The following DENND1A variants were observed in gnomAD, a reference collection of about 807,000 sequenced individuals.
DENND1A encodes DENN domain containing 1A.
DENND1A carries 51 observed loss-of-function variants against 113.7 expected under a neutral mutation model. That is an observed-to-expected ratio of 0.45 (90% CI 0.36 to 0.57). DENND1A has a LOEUF of 0.57. DENND1A is among the 20% of genes least tolerant of loss of function. The probability of loss-of-function intolerance (pLI) is 0.00; values close to 1 mark genes in which losing one functional copy is unlikely to be tolerated. For missense variants in DENND1A, 1,258 were observed against 1,395.9 expected (o/e 0.90, Z 1.57); for synonymous variants, 565 against 570.8 (o/e 0.99, Z 0.14).
intron 2 of DENND1A, among the ~76,000 whole-genome samples, chr9:123,839,888 T>G (rs1037972460): frequency 2.6e-5 from 4 of 152,182 alleles, no homozygotes; most frequent in Non-Finnish European, 5.9e-5. Flanking sequence ...AGAATTGAAT[T>G]TAAATCCAAG....
chr9:123,533,616 G>C (rs1261664227), intron 13 of DENND1A, among the ~76,000 whole-genome samples: 1 of 152,198 alleles, frequency 6.6e-6, no homozygotes, highest in Non-Finnish European at 1.5e-5. Flanking sequence ...TGGAGGGAGA[G>C]AGTCTTCCAA....
At chr9:123,663,539 A>G (rs56250933) in intron 8 of DENND1A, among the ~76,000 whole-genome samples, 21,215 of 152,156 alleles carry the variant, frequency 0.14, 1,851 homozygotes, top group Admixed American at 0.22. Flanking sequence ...GCATTTTAAA[A>G]TAATCCTTCA....
At chr9:123,495,171 T>TCTCTCTC (rs1564598042) in intron 13 of DENND1A, among the ~76,000 whole-genome samples, 7 of 76,290 alleles carry the variant, frequency 9.2e-5, no homozygotes, top group African/African-American at 3.4e-4. Flanking sequence ...CTCTCTCTCT[T>TCTCTCTC]ATAATGTCTG....
chr9:123,543,268 A>G (rs2056419984), intron 13 of DENND1A, among the ~76,000 whole-genome samples: 2 of 152,344 alleles, frequency 1.3e-5, no homozygotes, highest in South Asian at 4.1e-4. Context: ...TACTAGATGC[A>G]TGGAATGCTG....
At chr9:123,620,071 G>A (rs58485195) in intron 10 of DENND1A, among the ~76,000 whole-genome samples, 1 of 151,814 alleles carries the variant, frequency 6.6e-6, no homozygotes, top group South Asian at 2.1e-4. Context: ...AAAATTAGCT[G>A]GGTGTGGTGG....
intron 5 of DENND1A, among the ~76,000 whole-genome samples, chr9:123,694,645 G>A (rs1040128593): frequency 2.6e-5 from 4 of 152,148 alleles, no homozygotes; most frequent in African/African-American, 7.2e-5. Context: ...TAGTGCAGTC[G>A]CTGTTTTCAA....
At chr9:123,773,351 T>C (rs1451182744) in intron 3 of DENND1A, among the ~76,000 whole-genome samples, 5 of 152,202 alleles carry the variant, frequency 3.3e-5, no homozygotes, top group Non-Finnish European at 7.4e-5. Flanking sequence ...TCAAGATTCA[T>C]TTCAGTCTAC....
chr9:123,510,115 C>T (rs567797800), intron 13 of DENND1A, among the ~76,000 whole-genome samples: 18 of 152,344 alleles, frequency 1.2e-4, no homozygotes, highest in African/African-American at 2.6e-4. Flanking sequence ...CCCTGTGAGT[C>T]GCGCCTTCCC....
chr9:123,630,281 T>C (rs10986075), intron 10 of DENND1A, 95 bp downstream of exon 10: 2 of 533,358 alleles, frequency 3.7e-6, no homozygotes. Context: ...ATATTTTTAA[T>C]GTAGAGTCAC....
intron 12 of DENND1A, among the ~76,000 whole-genome samples, chr9:123,573,440 G>C (rs986862137): frequency 1.5e-4 from 23 of 151,968 alleles, no homozygotes; most frequent in Non-Finnish European, 2.8e-4. Flanking sequence ...ACATGGAATA[G>C]CTCTCCATTT....
intron 18 of DENND1A, among the ~76,000 whole-genome samples, chr9:123,445,282 C>T (rs1479486000): frequency 6.6e-6 from 1 of 152,126 alleles, no homozygotes; most frequent in Admixed American, 6.5e-5. Flanking sequence ...ACTTATGACC[C>T]AGTGATGAAA....
chr9:123,884,984 T>A lies in DENND1A; in HGVS notation c.18-5963A>T, dbSNP rs961476597. On this transcript the variant is annotated intron_variant, in intron 1 of 23. Coordinates refer to ENST00000394215, the MANE Select transcript of DENND1A (RefSeq NM_001352964.2). ...CAACCCTCCCATCTCCCACCTGACC[T>A]GCGAGCGCGCGCGCACACACACACA... Among the ~76,000 whole-genome samples, 13 of 147,278 alleles carry A rather than the reference T, an allele frequency of 8.8e-5. 1 individual carries two copies. The highest frequency in any genetic ancestry group is 8.1e-4 in the Admixed American group (12 of 14,852).
intron 13 of DENND1A, among the ~76,000 whole-genome samples, chr9:123,460,960 C>CA (rs1219753379): frequency 6.6e-6 from 1 of 152,238 alleles, no homozygotes; most frequent in Non-Finnish European, 1.5e-5. Flanking sequence ...ATGTGGCACA[C>CA]ACAAGGGCCC....
At chr9:123,501,227 C>T (rs1198877760) in intron 13 of DENND1A, among the ~76,000 whole-genome samples, 1 of 152,188 alleles carries the variant, frequency 6.6e-6, no homozygotes, top group Non-Finnish European at 1.5e-5. Context: ...ATGTATGTAG[C>T]ATAATGTCCT....
chr9:123,402,596 C>T (rs1427057893), intron 21 of DENND1A: 1 of 534,804 alleles, frequency 1.9e-6, no homozygotes, highest in Admixed American at 1.9e-5. Context: ...CCAAGACGAA[C>T]TCATGCACTT....
chr9:123,834,874 A>C (rs1840817265), intron 2 of DENND1A, among the ~76,000 whole-genome samples: 1 of 152,234 alleles, frequency 6.6e-6, no homozygotes, highest in African/African-American at 2.4e-5. Flanking sequence ...GTCTCCTTCC[A>C]TCCTTTTCGT....
At chr9:123,711,486 A>AAATATATATATATATGTATATATGTATAT in intron 5 of DENND1A, among the ~76,000 whole-genome samples, 1 of 101,770 alleles carries the variant, frequency 9.8e-6, no homozygotes, top group South Asian at 3.1e-4. Flanking sequence ...TAAATTAAAA[A>AAATATATATATATATGTATATATGTATAT]ATATATATAT....
In DENND1A at chr9:123,491,561, C is replaced by A. The variant is rs566224151; in HGVS notation, c.994-33664G>T. Among the ~76,000 whole-genome samples the A allele has an allele frequency of 7.6e-4, 115 of 152,274 alleles. 1 individual carries two copies. The South Asian group carries it at 0.023, about 30-fold the overall frequency. ...CTAGTATAATGTTAGCTTGCTGGGT[C>A]TCAGCTGACTAGTCAACAGAAAGAA... On this transcript the variant is annotated intron_variant, in intron 13 of 23. Coordinates refer to ENST00000394215, the MANE Select transcript of DENND1A (RefSeq NM_001352964.2).
At chr9:123,666,300 T>C (rs1004254990) in intron 8 of DENND1A, among the ~76,000 whole-genome samples, 6 of 152,222 alleles carry the variant, frequency 3.9e-5, no homozygotes, top group African/African-American at 1.4e-4. Context: ...ATAATCATAG[T>C]AAAACATTTT....
Sources: allele counts gnomAD v4.1 joint callset (sites outside exome capture counted in the v4.1 genomes callset), GRCh38; gene constraint gnomAD v4.1.1; transcripts MANE v1.5; gene names NCBI Gene and HGNC (gene_info 2026-07-23, HGNC 2026-07-21).